The following NAV2 variants were observed in gnomAD, a reference collection of about 807,000 sequenced individuals.
NAV2 encodes the protein helicase, APC down-regulated 1.
NAV2 carries 54 observed loss-of-function variants against 223.2 expected under a neutral mutation model. That is an observed-to-expected ratio of 0.24 (90% CI 0.19 to 0.30). NAV2 has a LOEUF of 0.30. Ranked by LOEUF, NAV2 falls within the 10% of genes least tolerant of loss-of-function variation. The pLI is 1.00. For synonymous variants in NAV2, 1,279 were observed against 1,239.3 expected (o/e 1.03, Z -0.67); for missense variants, 2,806 against 3,147.5 (o/e 0.89, Z 2.60).
chr11:19,466,462 A>T (rs1360960938), intron 1 of NAV2, among the ~76,000 whole-genome samples: 1 of 152,250 alleles, frequency 6.6e-6, no homozygotes, highest in Non-Finnish European at 1.5e-5. Context: ...GGAGGTGTGC[A>T]GGTGCCAAAG....
chr11:19,589,481 A>G (rs1329773176), intron 1 of NAV2, among the ~76,000 whole-genome samples: 1 of 152,160 alleles, frequency 6.6e-6, no homozygotes, highest in East Asian at 1.9e-4. Flanking sequence ...AGGGCCCTGG[A>G]AAAAGGACAT....
intron 1 of NAV2, among the ~76,000 whole-genome samples, chr11:19,652,351 C>G (rs79703861): frequency 0.028 from 4,209 of 152,200 alleles, 178 homozygotes; most frequent in African/African-American, 0.085. Flanking sequence ...AAGGCAGCCT[C>G]CATCCCAGCC....
At chr11:19,955,509 A>G (rs1435036271) in intron 10 of NAV2, among the ~76,000 whole-genome samples, 1 of 152,256 alleles carries the variant, frequency 6.6e-6, no homozygotes, top group Non-Finnish European at 1.5e-5. Flanking sequence ...GGACGTAGCC[A>G]CATGTCTTTC....
At chr11:19,955,276 CCTGTGGTCCCAGCT>C (rs1432425989) in intron 10 of NAV2, among the ~76,000 whole-genome samples, 1 of 152,000 alleles carries the variant, frequency 6.6e-6, no homozygotes, top group East Asian at 1.9e-4. Context: ...GTGGCATGTT[CCTGTGGTCCCAGCT>C]GAGGTGGAAG....
chr11:19,376,150 T>G (rs1227762155), intron 1 of NAV2, among the ~76,000 whole-genome samples: 4 of 152,188 alleles, frequency 2.6e-5, no homozygotes, highest in Non-Finnish European at 5.9e-5. Flanking sequence ...AAATCTGGTG[T>G]TTAGAAAGTC....
intron 19 of NAV2, among the ~76,000 whole-genome samples, chr11:20,060,952 T>C (rs975033690): frequency 2.6e-5 from 4 of 152,202 alleles, no homozygotes; most frequent in Non-Finnish European, 5.9e-5. Flanking sequence ...TGTTGGCATA[T>C]AGCTTCTGCT....
At chr11:19,758,730 G>A (rs1299656385) in intron 1 of NAV2, among the ~76,000 whole-genome samples, 3 of 152,194 alleles carry the variant, frequency 2.0e-5, no homozygotes, top group Non-Finnish European at 4.4e-5. Context: ...TGACCTGGGG[G>A]ATTGTGGGTT....
chr11:20,074,760 CTTTTT>C (rs1554948003), intron 22 of NAV2, among the ~76,000 whole-genome samples: 2 of 110,260 alleles, frequency 1.8e-5, no homozygotes, highest in Admixed American at 1.9e-4. Flanking sequence ...TGCAACTCTG[CTTTTT>C]TTTTTTTTTT....
chr11:19,706,558 G>A (rs921734472), intron 1 of NAV2, among the ~76,000 whole-genome samples: 1 of 152,154 alleles, frequency 6.6e-6, no homozygotes, highest in African/African-American at 2.4e-5. Context: ...ACTAGATTGT[G>A]AGTTGTTTCT....
intron 24 of NAV2, among the ~76,000 whole-genome samples, chr11:20,079,142 G>A (rs1466702904): frequency 1.3e-5 from 2 of 152,202 alleles, no homozygotes; most frequent in Admixed American, 1.3e-4. Context: ...CTGCGTTCAA[G>A]TGATTCTCCT....
At chr11:19,786,288 C>T (rs1443629804) in intron 1 of NAV2, among the ~76,000 whole-genome samples, 9 of 152,170 alleles carry the variant, frequency 5.9e-5, no homozygotes, top group Non-Finnish European at 1.0e-4. Context: ...CATGCCACCA[C>T]CTTACTCTCA....
chr11:19,631,044 A>G (rs2047329637), intron 1 of NAV2, among the ~76,000 whole-genome samples: 1 of 150,498 alleles, frequency 6.6e-6, no homozygotes, highest in Non-Finnish European at 1.5e-5. Flanking sequence ...TATATTTATT[A>G]CAAAAATGGC....
At chr11:19,568,062 C>T (rs2134858858) in intron 1 of NAV2, among the ~76,000 whole-genome samples, 1 of 152,342 alleles carries the variant, frequency 6.6e-6, no homozygotes, top group East Asian at 1.9e-4. Context: ...GCCTGGCTCA[C>T]AGTAGGTGCT....
chr11:19,617,470 A>C (rs890885979), intron 1 of NAV2, among the ~76,000 whole-genome samples: 2 of 152,214 alleles, frequency 1.3e-5, no homozygotes, highest in African/African-American at 4.8e-5. Flanking sequence ...CTCTGCTTTG[A>C]GGATTCTGTA....
intron 20 of NAV2, among the ~76,000 whole-genome samples, chr11:20,065,647 T>G (rs1243760095): frequency 6.6e-6 from 1 of 152,192 alleles, no homozygotes; most frequent in Non-Finnish European, 1.5e-5. Flanking sequence ...ACATGCTTTC[T>G]CTAGGCTGCT....
chr11:19,997,494 A>G (rs1366989723), intron 11 of NAV2, among the ~76,000 whole-genome samples: 1 of 152,164 alleles, frequency 6.6e-6, no homozygotes, highest in African/African-American at 2.4e-5. Context: ...ATCATCAAAA[A>G]CAACAATTTT....
At chr11:19,542,528 G>A (rs2044367475) in intron 1 of NAV2, among the ~76,000 whole-genome samples, 1 of 152,216 alleles carries the variant, frequency 6.6e-6, no homozygotes, top group South Asian at 2.1e-4. Flanking sequence ...GTATTTACTA[G>A]GGGTCAGGTT....
At chr11:19,475,257 G>C (rs1177481053) in intron 1 of NAV2, among the ~76,000 whole-genome samples, 1 of 152,196 alleles carries the variant, frequency 6.6e-6, no homozygotes, top group African/African-American at 2.4e-5. Flanking sequence ...AAAGGATTTG[G>C]GTGGTTTTTC....
At position 20,114,766 on chromosome 11, in the gene NAV2, C is replaced by A. The variant is rs763310603; in HGVS notation, c.7135C>A (p.Pro2379Thr). The change falls in exon 37 of 38, where the codon CCC becomes ACC. Residue 2379 changes from proline to threonine, a missense_variant. Physicochemically the swap from Pro to Thr is conservative, Grantham distance 38. Transcript: ENST00000349880. ...PREGSTSKQM[P>T]PSDAEGDPLM... ...GGAGGGATCGACAAGCAAGCAGATG[C>A]CCCCCAGTGATGCTGAAGGTGACCC... is the stretch of plus-strand genomic sequence containing the variant. 1.2e-6 allele frequency: 2 copies of A among 1,613,674 alleles called. No homozygotes were observed. Among genetic ancestry groups the A allele is most frequent in the Non-Finnish European group, 1.7e-6 (2 of 1,179,882 alleles).
Sources: gnomAD v4.1 joint callset for allele counts (sites outside exome capture counted in the v4.1 genomes callset) on GRCh38, gnomAD v4.1.1 for gene constraint, MANE v1.5 for transcripts, NCBI Gene and HGNC (gene_info 2026-07-23, HGNC 2026-07-21) for gene names.